PIBF1: variants seen among roughly 807,000 people sequenced by gnomAD.
PIBF1 encodes progesterone immunomodulatory binding factor 1, also known as progesterone-induced-blocking factor 1.
PIBF1 carries 90 observed loss-of-function variants against 112.5 expected under a neutral mutation model. That is an observed-to-expected ratio of 0.80 (90% CI 0.67 to 0.95). The LOEUF (loss-of-function observed/expected upper bound fraction) is 0.95. Ranked by LOEUF, PIBF1 falls within the 40% of genes least tolerant of loss-of-function variation. PIBF1 has a pLI of 0.00. For missense variants in PIBF1, 915 were observed against 852.3 expected, an observed-to-expected ratio of 1.07 and a Z score of -0.92; for synonymous variants, 301 against 288.6, an observed-to-expected ratio of 1.04 and a Z score of -0.44.
intron 13 of PIBF1, among the ~76,000 whole-genome samples, chr13:72,929,516 C>T (rs556039699): frequency 5.2e-4 from 79 of 152,034 alleles, no homozygotes; most frequent in Non-Finnish European, 1.0e-3. Context: ...GTAATGGACA[C>T]AGAAATTCTT....
chr13:72,871,811 A>G (rs889739512), intron 10 of PIBF1, among the ~76,000 whole-genome samples: 13 of 152,218 alleles, frequency 8.5e-5, no homozygotes, highest in Non-Finnish European at 1.5e-4. Flanking sequence ...AGCCCAACTA[A>G]TAACATAGTC....
intron 17 of PIBF1, among the ~76,000 whole-genome samples, chr13:72,999,234 A>G (rs2043780688): frequency 6.6e-6 from 1 of 152,122 alleles, no homozygotes; most frequent in African/African-American, 2.4e-5. Flanking sequence ...ACATAAACTG[A>G]AATGCATTGT....
chr13:73,012,309 G>T (rs1407857504), intron 17 of PIBF1, among the ~76,000 whole-genome samples: 1 of 152,072 alleles, frequency 6.6e-6, no homozygotes, highest in African/African-American at 2.4e-5. Flanking sequence ...CCGAGATTGT[G>T]CCACTGCACT....
intron 5 of PIBF1, among the ~76,000 whole-genome samples, chr13:72,802,348 T>G (rs1402539968): frequency 6.6e-6 from 1 of 152,180 alleles, no homozygotes; most frequent in Non-Finnish European, 1.5e-5. Context: ...AAGAAAGTTC[T>G]CTCCTGAGAA....
chr13:72,794,382 T>C (rs1219795732), intron 3 of PIBF1, among the ~76,000 whole-genome samples: 2 of 152,158 alleles, frequency 1.3e-5, no homozygotes, highest in African/African-American at 4.8e-5. Context: ...GTTGTGGTTT[T>C]GTTTGTTCAT....
intron 8 of PIBF1, among the ~76,000 whole-genome samples, chr13:72,830,987 T>G (rs2037081324): frequency 6.6e-6 from 1 of 152,188 alleles, no homozygotes; most frequent in Non-Finnish European, 1.5e-5. Context: ...TCTTCCTGGT[T>G]TAGACTTGGG....
At chr13:72,977,685 A>G (rs1218308561) in intron 16 of PIBF1, among the ~76,000 whole-genome samples, 1 of 152,226 alleles carries the variant, frequency 6.6e-6, no homozygotes, top group Non-Finnish European at 1.5e-5. Flanking sequence ...GACCACAGAG[A>G]GTTTTTATTT....
chr13:72,908,510 ATTC>A lies in PIBF1; in HGVS notation c.1489-16_1489-14del. The A allele has an allele frequency of 6.4e-7, 1 of 1,558,940 alleles. No individual in the cohort carries two copies. Among genetic ancestry groups the A allele is most frequent in the Non-Finnish European group, 8.7e-7 (1 of 1,149,324 alleles). On this transcript the variant is annotated intron_variant, in intron 11 of 17. Coordinates refer to ENST00000326291, the MANE Select transcript of PIBF1 (RefSeq NM_006346.4). ...GCACCTGTTTAATTCTGCCTTTGTA[ATTC>A]TTCTCTTTCACTATTAGGTTTTAAC...
At chr13:72,849,564 G>A (rs1190450149) in intron 9 of PIBF1, among the ~76,000 whole-genome samples, 1 of 152,192 alleles carries the variant, frequency 6.6e-6, no homozygotes, top group Non-Finnish European at 1.5e-5. Flanking sequence ...ATTTTTGAAA[G>A]AGCATGTTAT....
chr13:72,979,355 C>G (rs1318734798), intron 16 of PIBF1, among the ~76,000 whole-genome samples: 1 of 152,144 alleles, frequency 6.6e-6, no homozygotes, highest in Non-Finnish European at 1.5e-5. Context: ...TTCTGCTTTT[C>G]TTTGTATATA....
intron 4 of PIBF1, among the ~76,000 whole-genome samples, chr13:72,796,665 T>A (rs1355620808): frequency 7.7e-5 from 11 of 143,340 alleles, no homozygotes; most frequent in South Asian, 2.2e-4. Context: ...TTTTTTTTTT[T>A]AAAAGGCTCA....
At chr13:72,828,978 C>T (rs2036965681) in intron 8 of PIBF1, among the ~76,000 whole-genome samples, 2 of 152,228 alleles carry the variant, frequency 1.3e-5, no homozygotes, top group Non-Finnish European at 2.9e-5. Flanking sequence ...GCCAGTCTAA[C>T]TGGCGTGAGA....
chr13:72,901,050 A>G (rs1409374771), intron 11 of PIBF1: 1 of 442,760 alleles, frequency 2.3e-6, no homozygotes, highest in South Asian at 1.6e-5. Context: ...ACAAACAAAC[A>G]AACAAAAGCT....
rs117632804 is a variant in PIBF1 at position 72,938,554 on chromosome 13, A to G, written c.1833+7287A>G. ...GTGCTCAGTTCCTTTTTATGACTGA[A>G]TAATATTCCATTTTGCAGATTAACT... On this transcript the variant is annotated intron_variant, in intron 14 of 17. Coordinates refer to ENST00000326291, the MANE Select transcript of PIBF1 (RefSeq NM_006346.4). 4.4e-3 allele frequency among the ~76,000 whole-genome samples: 676 copies of G among 152,306 alleles called. 3 individuals are homozygous for G. Among genetic ancestry groups the G allele is most frequent in the Middle Eastern group, 0.017 (5 of 294 alleles).
At chr13:72,895,263 AAAATTCAT>A (rs2040236709) in intron 11 of PIBF1, among the ~76,000 whole-genome samples, 1 of 150,612 alleles carries the variant, frequency 6.6e-6, no homozygotes, top group Non-Finnish European at 1.5e-5. Flanking sequence ...CATAAATTTT[AAAATTCAT>A]AAATTCATAA....
intron 11 of PIBF1, among the ~76,000 whole-genome samples, chr13:72,899,399 A>G (rs2040402116): frequency 6.6e-6 from 1 of 152,196 alleles, no homozygotes; most frequent in South Asian, 2.1e-4. Flanking sequence ...ACCAAATCCA[A>G]CAACATATCA....
intron 11 of PIBF1, among the ~76,000 whole-genome samples, chr13:72,904,093 A>ATT (rs11436137): frequency 6.8e-6 from 1 of 147,072 alleles, no homozygotes; most frequent in African/African-American, 2.5e-5. Flanking sequence ...TGGGTAAAAG[A>ATT]TTTTTTTTTT....
chr13:72,855,033 G>A (rs1156739006), intron 10 of PIBF1, among the ~76,000 whole-genome samples: 3 of 152,032 alleles, frequency 2.0e-5, no homozygotes, highest in East Asian at 3.9e-4. Context: ...GTAAACAGTG[G>A]CTACCTTATT....
intron 11 of PIBF1, among the ~76,000 whole-genome samples, chr13:72,894,863 G>A (rs908781546): frequency 2.0e-5 from 3 of 150,682 alleles, no homozygotes; most frequent in South Asian, 2.1e-4. Flanking sequence ...AGTGACTCAC[G>A]CCTGTAATCC....
Sources: allele counts gnomAD v4.1 joint callset (sites outside exome capture counted in the v4.1 genomes callset), GRCh38; gene constraint gnomAD v4.1.1; transcripts MANE v1.5; gene names NCBI Gene and HGNC (gene_info 2026-07-23, HGNC 2026-07-21).